SNX29: variants seen among roughly 807,000 people sequenced by gnomAD.
The protein encoded by SNX29 is sorting nexin-29.
In SNX29, 78 loss-of-function variants were observed where a neutral mutation model predicts 102.1. The observed-to-expected ratio is 0.76, with a 90% CI of 0.64 to 0.92. The LOEUF (loss-of-function observed/expected upper bound fraction) is 0.92, where lower values mean the gene tolerates loss of function less well. SNX29 is among the 40% of genes least tolerant of loss of function. SNX29 has a pLI of 0.00. For synonymous variants in SNX29, 580 were observed against 414.5 expected (o/e 1.40, Z -4.85); for missense variants, 1,280 against 1,061.7 (o/e 1.21, Z -2.86).
At chr16:12,357,440 A>T (rs2082167647) in intron 16 of SNX29, among the ~76,000 whole-genome samples, 1 of 152,208 alleles carries the variant, frequency 6.6e-6, no homozygotes, top group South Asian at 2.1e-4. Context: ...ACCTTTGAAT[A>T]GTTTTTTTGA....
At chr16:12,112,449 A>G (rs2053536631) in intron 11 of SNX29, among the ~76,000 whole-genome samples, 1 of 151,946 alleles carries the variant, frequency 6.6e-6, no homozygotes, top group Non-Finnish European at 1.5e-5. Context: ...ATTTAGTCCC[A>G]TCCACGTGTA....
chr16:12,197,140 C>T (rs981475863), intron 13 of SNX29, among the ~76,000 whole-genome samples: 1 of 152,138 alleles, frequency 6.6e-6, no homozygotes, highest in Non-Finnish European at 1.5e-5. Context: ...AAATGTTTTT[C>T]CATGAACTGT....
At chr16:12,255,340 C>T (rs1241805062) in intron 14 of SNX29, among the ~76,000 whole-genome samples, 4 of 151,760 alleles carry the variant, frequency 2.6e-5, no homozygotes, top group African/African-American at 9.7e-5. Flanking sequence ...GGATTACAGG[C>T]ACCCACCACC....
chr16:12,261,575 T>C (rs35339411), intron 14 of SNX29, among the ~76,000 whole-genome samples: 296 of 106,316 alleles, frequency 2.8e-3, no homozygotes, highest in Middle Eastern at 0.016. Flanking sequence ...TCGGTCTGTG[T>C]GTGCATCCCT....
rs546160449 is a variant in SNX29 at position 12,542,280 on chromosome 16, G to A, written c.2318+17439G>A. 2.6e-5 allele frequency among the ~76,000 whole-genome samples: 4 copies of A among 152,216 alleles called. No homozygotes were observed. In the South Asian group the frequency reaches 8.3e-4, roughly 32 times the overall value. On this transcript the variant is annotated intron_variant, in intron 20 of 20. Coordinates refer to ENST00000566228, the MANE Select transcript of SNX29 (RefSeq NM_032167.5). ...TGAGGAAATTGAGGCATGGAGAAAT[G>A]GAGGAACTTGCCCAAGATCACAGCT...
Position 12,569,590 on chromosome 16 carries a change from G to A in SNX29, c.*961G>A, listed in dbSNP as rs547296974. On this transcript the variant is annotated 3_prime_UTR_variant, in exon 21 of 21. Transcript: ENST00000566228. ...CTCCACTAAAAACATTTTCCATCCC[G>A]TCTGCCCCCGACATTGTCCTTGATA... 3.0e-5 allele frequency: 7 copies of A among 229,756 alleles called. No individual in the cohort carries two copies. The highest frequency in any genetic ancestry group is 1.3e-3 in the Middle Eastern group (1 of 766). The allele number at this position is 229,756 out of a possible 1,614,324, so 14.2% of individuals were successfully genotyped here. A position where few individuals can be genotyped will look rare whatever the true frequency, so the allele number is the denominator to read the frequency against.
At chr16:12,439,149 G>T (rs2085679569) in intron 18 of SNX29, among the ~76,000 whole-genome samples, 1 of 152,214 alleles carries the variant, frequency 6.6e-6, no homozygotes. Context: ...TGTCCTGGTT[G>T]CAGGGGCACC....
chr16:12,112,173 C>G (rs1305705154), intron 11 of SNX29, among the ~76,000 whole-genome samples: 1 of 152,156 alleles, frequency 6.6e-6, no homozygotes, highest in Non-Finnish European at 1.5e-5. Flanking sequence ...TCGTAGAAGA[C>G]AGGGTCGGGG....
At chr16:12,095,164 G>T (rs1182578481) in intron 11 of SNX29, 1 of 152,152 alleles carries the variant, frequency 6.6e-6, no homozygotes, top group East Asian at 1.9e-4. Flanking sequence ...TACTTTACTA[G>T]ATCTTAATCA....
At chr16:12,250,319 A>G (rs182254569) in intron 14 of SNX29, among the ~76,000 whole-genome samples, 180 of 152,274 alleles carry the variant, frequency 1.2e-3, no homozygotes, top group Non-Finnish European at 2.0e-3. Flanking sequence ...TGCAATTTTC[A>G]GTCTGTAGAA....
chr16:12,085,137 C>A (rs1227522217), intron 11 of SNX29, among the ~76,000 whole-genome samples: 1 of 152,076 alleles, frequency 6.6e-6, no homozygotes, highest in Non-Finnish European at 1.5e-5. Flanking sequence ...TGGGCCCTTT[C>A]CCCTTGTCTG....
intron 14 of SNX29, among the ~76,000 whole-genome samples, chr16:12,271,176 T>G (rs1403924286): frequency 6.6e-6 from 1 of 152,252 alleles, no homozygotes; most frequent in Non-Finnish European, 1.5e-5. Context: ...ATTTACAATC[T>G]TTGTGTGGGA....
intron 15 of SNX29, among the ~76,000 whole-genome samples, chr16:12,294,436 C>T (rs751232048): frequency 1.7e-4 from 26 of 152,224 alleles, no homozygotes; most frequent in Non-Finnish European, 2.4e-4. Context: ...GAGAATGGCC[C>T]GGCATGCTTA....
chr16:12,040,550 G>C (rs1223739266), intron 4 of SNX29, among the ~76,000 whole-genome samples: 1 of 150,646 alleles, frequency 6.6e-6, no homozygotes. Context: ...CTCAGACTGA[G>C]TAATTCGACA....
chr16:12,336,868 T>A (rs1466757468), intron 15 of SNX29, among the ~76,000 whole-genome samples: 2 of 152,046 alleles, frequency 1.3e-5, no homozygotes, highest in Non-Finnish European at 2.9e-5. Context: ...ATCACTTGAG[T>A]CCAGGAAGTT....
Position 12,571,901 on chromosome 16 carries a change from C to A in SNX29, c.*3272C>A. On this transcript the variant is annotated 3_prime_UTR_variant, in exon 21 of 21. Transcript: ENST00000566228. ...TGGAGCTGAGGTTCAAAGCCCCCTG[C>A]ATTTCTCTACTGGCAGGCCCTGGTG... 3 of 1,061,982 alleles carry A rather than the reference C, an allele frequency of 2.8e-6. No individual in the cohort carries two copies. The highest frequency in any genetic ancestry group is 3.4e-6 in the Non-Finnish European group (3 of 877,176). 65.8% of individuals were successfully genotyped at this position (1,061,982 alleles called of 1,614,324 possible). A position where few individuals can be genotyped will look rare whatever the true frequency, so the allele number is the denominator to read the frequency against.
chr16:12,507,104 A>T (rs1197364853), intron 19 of SNX29, among the ~76,000 whole-genome samples: 1 of 152,234 alleles, frequency 6.6e-6, no homozygotes, highest in Non-Finnish European at 1.5e-5. Context: ...TGTGTTGGGC[A>T]CTGCAACTAT....
intron 20 of SNX29, among the ~76,000 whole-genome samples, chr16:12,549,714 G>A (rs1018261283): frequency 3.3e-5 from 5 of 152,224 alleles, no homozygotes; most frequent in Admixed American, 2.6e-4. Context: ...GGGGCCAGGA[G>A]AGTCACCCTA....
chr16:12,457,844 G>A (rs146295425), intron 18 of SNX29, among the ~76,000 whole-genome samples: 2 of 152,180 alleles, frequency 1.3e-5, no homozygotes, highest in African/African-American at 2.4e-5. Flanking sequence ...ACTGTATTAC[G>A]ATGTTTGTGG....
Sources: allele counts gnomAD v4.1 joint callset (sites outside exome capture counted in the v4.1 genomes callset), GRCh38; gene constraint gnomAD v4.1.1; transcripts MANE v1.5; gene names NCBI Gene and HGNC (gene_info 2026-07-23, HGNC 2026-07-21).